DPY19L2: variants seen among roughly 807,000 people sequenced by gnomAD.
DPY19L2 encodes the protein dpy-19 like 2, also known as probable C-mannosyltransferase DPY19L2.
DPY19L2 carries 34 observed loss-of-function variants against 97.9 expected under a neutral mutation model. That is an observed-to-expected ratio of 0.35 (90% confidence interval 0.26 to 0.46). The LOEUF (loss-of-function observed/expected upper bound fraction) is 0.46, where lower values mean the gene tolerates loss of function less well. DPY19L2 is among the 20% of genes least tolerant of loss of function. DPY19L2 has a pLI of 1.00. For missense variants in DPY19L2, 623 were observed against 911.4 expected, an observed-to-expected ratio of 0.68 and a Z score of 4.07; for synonymous variants, 230 against 307.9, an observed-to-expected ratio of 0.75 and a Z score of 2.65.
chr12:63,658,095 C>A (rs375144278), intron 4 of DPY19L2, among the ~76,000 whole-genome samples: 1 of 152,152 alleles, frequency 6.6e-6, no homozygotes, highest in Non-Finnish European at 1.5e-5. Context: ...CAGCTCTCTT[C>A]GTCACCAAAT....
Position 63,580,679 on chromosome 12 carries a change from T to C in DPY19L2, c.1883A>G (p.Lys628Arg). Residue 628 changes from lysine (K) to arginine (R), a missense_variant, in exon 19 of 22, where the codon AAA (lysine) becomes AGA (arginine). By Grantham distance (26) the Lys-to-Arg change is conservative. Coordinates refer to ENST00000324472, the MANE Select transcript of DPY19L2 (RefSeq NM_173812.5). ...CTACACACCTGATGTGGTACTGTAT[T>C]TGATCCACTGTAAAAGTTCTTCCTG... ...LPQEELLQWI[K>R]YSTTSDAVFA... The C allele has an allele frequency of 6.2e-7, 1 of 1,612,720 alleles. No individual in the cohort carries two copies.
At chr12:63,630,003 G>C (rs1443026392) in intron 6 of DPY19L2, among the ~76,000 whole-genome samples, 1 of 152,072 alleles carries the variant, frequency 6.6e-6, no homozygotes. Flanking sequence ...ATCCTTTACA[G>C]ACAAGCAAAT....
At chr12:63,648,504 G>A (rs1222112432) in intron 4 of DPY19L2, among the ~76,000 whole-genome samples, 11 of 151,292 alleles carry the variant, frequency 7.3e-5, no homozygotes, top group Non-Finnish European at 1.5e-4. Context: ...TCGGCTCACT[G>A]CAACCTCTTC....
At chr12:63,564,124 T>G (rs956132767) in intron 21 of DPY19L2, among the ~76,000 whole-genome samples, 1 of 152,156 alleles carries the variant, frequency 6.6e-6, no homozygotes, top group Non-Finnish European at 1.5e-5. Context: ...TAGTAATTTC[T>G]GTCTTCAATC....
intron 8 of DPY19L2, among the ~76,000 whole-genome samples, chr12:63,622,679 A>T (rs1888876283): frequency 6.6e-6 from 1 of 152,156 alleles, no homozygotes; most frequent in Admixed American, 6.5e-5. Flanking sequence ...TAATCCCAGC[A>T]CTTTGGGAGG....
chr12:63,662,839 C>A (rs1895858683), intron 3 of DPY19L2, among the ~76,000 whole-genome samples: 1 of 151,894 alleles, frequency 6.6e-6, no homozygotes, highest in South Asian at 2.1e-4. Context: ...TTTATAGGGG[C>A]AATATAGGGA....
In DPY19L2 at chr12:63,647,313, C is replaced by G. The variant is rs1386038479; in HGVS notation, c.641G>C (p.Gly214Ala). The change falls in exon 5 of 22, where the codon GGA (glycine) becomes GCA (alanine). Residue 214 changes from glycine (G) to alanine (A), a missense_variant. Physicochemically the swap from Gly to Ala is moderately conservative, Grantham distance 60. Around this residue, in one of 6 missense-constraint regions of DPY19L2, gnomAD observed 27 missense variants for 77.5 expected, o/e 0.35. Transcript: ENST00000324472. ...CTFMGIMNLFGLETKTCWNVT... is the reference protein window; with the variant it reads ...CTFMGIMNLFALETKTCWNVT... The stretch of plus-strand genomic sequence containing the variant: ...ATTCCAGCAGGTCTTAGTTTCTAGT[C>G]CAAATAAATTCATTATTCCCATGAA... 1.9e-6 allele frequency: 3 copies of G among 1,589,678 alleles called. No homozygotes were observed. Among genetic ancestry groups the G allele is most frequent in the Non-Finnish European group, 2.6e-6 (3 of 1,166,532 alleles).
At chr12:63,631,257 C>A (rs1890578153) in intron 6 of DPY19L2, among the ~76,000 whole-genome samples, 1 of 151,890 alleles carries the variant, frequency 6.6e-6, no homozygotes, top group Admixed American at 6.6e-5. Flanking sequence ...AAAACCCCTT[C>A]AAAAAATCAA....
At position 63,583,849 on chromosome 12, in the gene DPY19L2, A is replaced by G. The variant is rs1225494032; in HGVS notation, c.1581-13T>C. 1.9e-6 allele frequency: 3 copies of G among 1,606,596 alleles called. No individual in the cohort carries two copies. The highest frequency in any genetic ancestry group is 1.7e-6 in the Non-Finnish European group (2 of 1,174,276). On this transcript the variant is annotated splice_polypyrimidine_tract_variant and intron_variant, in intron 16 of 21. Transcript: ENST00000324472. The stretch of plus-strand genomic sequence containing the variant: ...AAGGAGCTGTTTTCTAGAATAAAAC[A>G]AAAATATTACCTATTTACTGAAGGT...
At chr12:63,592,533 T>C (rs1172668829) in intron 16 of DPY19L2, among the ~76,000 whole-genome samples, 3 of 150,354 alleles carry the variant, frequency 2.0e-5, no homozygotes, top group Non-Finnish European at 4.4e-5. Flanking sequence ...AAAGAAGCAA[T>C]GGGGAAAGGA....
chr12:63,571,623 G>A (rs1362753779), intron 19 of DPY19L2, among the ~76,000 whole-genome samples: 2 of 152,118 alleles, frequency 1.3e-5, no homozygotes, highest in East Asian at 3.9e-4. Context: ...GGAAAGCATT[G>A]TTTTCTTCCC....
rs143732409 is a variant in DPY19L2 at position 63,668,152 on chromosome 12, G to A, written c.242C>T (p.Pro81Leu). 1.2e-4 allele frequency: 187 copies of A among 1,614,010 alleles called. 1 individual carries two copies. In the African/African-American group the frequency reaches 2.2e-3, roughly 19 times the overall value. Reference sequence around the variant, plus strand: ...CAGGGAATTACGGACGAACTGGAAGGGGCCGAGAAGAAAGGTCTTGGCCAC... The same window carrying A: ...CAGGGAATTACGGACGAACTGGAAGAGGCCGAGAAGAAAGGTCTTGGCCAC... Reference protein sequence around the residue: ...EVVAKTFLLGPFQFVRNSLAQ... With the variant: ...EVVAKTFLLGLFQFVRNSLAQ... Residue 81 changes from proline to leucine, a missense_variant, in exon 1 of 22, where the codon CCC becomes CTC. Pro to Leu is a moderately conservative substitution (Grantham distance 98). Transcript: ENST00000324472.
chr12:63,622,127 C>A (rs968339104), intron 8 of DPY19L2, among the ~76,000 whole-genome samples: 8 of 152,018 alleles, frequency 5.3e-5, no homozygotes, highest in Admixed American at 3.9e-4. Context: ...ACTTTGTAAT[C>A]TTATATTTTT....
chr12:63,600,508 T>C, intron 12 of DPY19L2, 122 bp from the exon 13 acceptor site: 1 of 772,064 alleles, frequency 1.3e-6, no homozygotes, highest in Non-Finnish European at 2.1e-6. Flanking sequence ...GTGAAGTTTT[T>C]AAAAAAAGTT....
chr12:63,627,855 C>T (rs917479172), intron 6 of DPY19L2, among the ~76,000 whole-genome samples: 5 of 152,168 alleles, frequency 3.3e-5, no homozygotes, highest in African/African-American at 7.2e-5. Flanking sequence ...CAGCTTCACA[C>T]TTGGAAGATT....
At chr12:63,630,754 C>A (rs955724831) in intron 6 of DPY19L2, among the ~76,000 whole-genome samples, 54 of 152,110 alleles carry the variant, frequency 3.6e-4, no homozygotes, top group African/African-American at 1.3e-3. Context: ...CCCAAATCAA[C>A]AGAATATACA....
At chr12:63,636,176 T>G (rs1891656928) in intron 6 of DPY19L2, among the ~76,000 whole-genome samples, 1 of 152,094 alleles carries the variant, frequency 6.6e-6, no homozygotes, top group Admixed American at 6.6e-5. Context: ...CCAGCCAAAC[T>G]AAGCTTCATA....
At chr12:63,591,113 C>T (rs1882831279) in intron 16 of DPY19L2, 1 of 455,960 alleles carries the variant, frequency 2.2e-6, no homozygotes, top group Non-Finnish European at 4.4e-6. Context: ...ACACATTTCC[C>T]TGTGCTCCAT....
chr12:63,633,598 A>G (rs936417484), intron 6 of DPY19L2, among the ~76,000 whole-genome samples: 3 of 152,142 alleles, frequency 2.0e-5, no homozygotes, highest in African/African-American at 7.2e-5. Flanking sequence ...AAATAGGAAC[A>G]CTTTTACACT....
Sources: gnomAD v4.1 joint callset for allele counts (sites outside exome capture counted in the v4.1 genomes callset) on GRCh38, gnomAD v4.1.1 for gene constraint, gnomAD v4.1.1 regional missense constraint, MANE v1.5 for transcripts, NCBI Gene and HGNC (gene_info 2026-07-23, HGNC 2026-07-21) for gene names.